Variants in PTPRT observed in about 807,000 individuals in gnomAD.
The protein encoded by PTPRT is protein tyrosine phosphatase receptor type T, also known as receptor-type tyrosine-protein phosphatase T.
PTPRT carries 56 observed loss-of-function variants against 176.8 expected under a neutral mutation model. That is an observed-to-expected ratio of 0.32 (90% CI 0.26 to 0.40). The LOEUF is 0.40. PTPRT is among the 10% of genes least tolerant of loss of function. The pLI is 1.00. For missense variants in PTPRT, 1,540 were observed against 1,908.2 expected, an observed-to-expected ratio of 0.81 and a Z score of 3.60; for synonymous variants, 783 against 739.0, an observed-to-expected ratio of 1.06 and a Z score of -0.96.
In PTPRT at chr20:42,712,720, T is replaced by A. The variant is rs950960724; in HGVS notation, c.860-34561A>T. On this transcript the variant is annotated intron_variant, in intron 6 of 30. Coordinates refer to ENST00000373187, the MANE Select transcript of PTPRT (RefSeq NM_007050.6). The stretch of plus-strand genomic sequence containing the variant: ...TAGGCCTATAAATTGGTACATCCCC[T>A]ATGGAGAATAATTTGGCCATATCTA... 5.9e-5 allele frequency among the ~76,000 whole-genome samples: 9 copies of A among 152,252 alleles called. 1 individual carries two copies. Among genetic ancestry groups the A allele is most frequent in the African/African-American group, 2.2e-4 (9 of 41,456 alleles).
Position 42,479,834 on chromosome 20 carries a change from A to G in PTPRT, c.1154-7272T>C, listed in dbSNP as rs75831805. Reference sequence around the variant, plus strand: ...CAAAATCTGAAACATTTCTGGTTCAATCATTTCAGATAAGGGATATTCAGC... The same window carrying G: ...CAAAATCTGAAACATTTCTGGTTCAGTCATTTCAGATAAGGGATATTCAGC... On this transcript the variant is annotated intron_variant, in intron 7 of 30. Coordinates refer to ENST00000373187, the MANE Select transcript of PTPRT (RefSeq NM_007050.6). 7.8e-3 allele frequency among the ~76,000 whole-genome samples: 1,192 copies of G among 152,340 alleles called. 11 individuals carry two copies. The highest frequency in any genetic ancestry group is 0.014 in the Middle Eastern group (4 of 294).
At chr20:42,799,562 A>G (rs781748246) in intron 2 of PTPRT, among the ~76,000 whole-genome samples, 33 of 152,314 alleles carry the variant, frequency 2.2e-4, no homozygotes, top group Non-Finnish European at 4.0e-4. Context: ...AGGAAAAACA[A>G]TGGAACCCAA....
chr20:42,860,077 T>C (rs2145789574), intron 2 of PTPRT, among the ~76,000 whole-genome samples: 1 of 152,338 alleles, frequency 6.6e-6, no homozygotes, highest in Non-Finnish European at 1.5e-5. Flanking sequence ...ATGCACTGCA[T>C]TTATCCAGAA....
intron 9 of PTPRT, among the ~76,000 whole-genome samples, chr20:42,362,686 A>G (rs902384991): frequency 6.6e-6 from 1 of 152,162 alleles, no homozygotes; most frequent in Non-Finnish European, 1.5e-5. Context: ...ATCAATGTTA[A>G]TTTCCTGGTT....
chr20:42,187,964 T>G (rs1443189836), intron 16 of PTPRT, among the ~76,000 whole-genome samples: 2 of 152,228 alleles, frequency 1.3e-5, no homozygotes, highest in African/African-American at 4.8e-5. Context: ...GTTTCCCTAT[T>G]CATGGCAAAG....
chr20:42,845,951 G>A (rs2078363145), intron 2 of PTPRT, among the ~76,000 whole-genome samples: 2 of 152,022 alleles, frequency 1.3e-5, no homozygotes, highest in South Asian at 4.2e-4. Context: ...CACCTACTTG[G>A]CCCAGCATAG....
chr20:42,885,241 T>C (rs1310486104), intron 2 of PTPRT, among the ~76,000 whole-genome samples: 3 of 147,230 alleles, frequency 2.0e-5, no homozygotes, highest in Non-Finnish European at 4.5e-5. Context: ...ATAATATATA[T>C]ACTATGTAAC....
chr20:42,578,697 T>C (rs6030340), intron 7 of PTPRT, among the ~76,000 whole-genome samples: 100,497 of 151,946 alleles, frequency 0.66, 34,975 homozygotes, highest in African/African-American at 0.88. Flanking sequence ...CAGCTCTCCC[T>C]TTGCAGATGT....
chr20:42,770,271 C>T (rs886652409), intron 5 of PTPRT, among the ~76,000 whole-genome samples: 7 of 152,082 alleles, frequency 4.6e-5, no homozygotes, highest in African/African-American at 1.4e-4. Context: ...TACAGGCACT[C>T]GCCACCACGC....
intron 15 of PTPRT, among the ~76,000 whole-genome samples, chr20:42,221,626 T>A (rs2055888372): frequency 6.6e-6 from 1 of 151,514 alleles, no homozygotes; most frequent in Non-Finnish European, 1.5e-5. Flanking sequence ...TTCAAGCGAT[T>A]TTCATGCCTC....
At chr20:43,087,165 T>C (rs1020677477) in intron 1 of PTPRT, among the ~76,000 whole-genome samples, 2 of 152,222 alleles carry the variant, frequency 1.3e-5, no homozygotes, top group Non-Finnish European at 2.9e-5. Flanking sequence ...TCTATAGTTT[T>C]TTCTTTTCCA....
intron 1 of PTPRT, among the ~76,000 whole-genome samples, chr20:43,068,388 C>G (rs1284055686): frequency 6.6e-6 from 1 of 151,240 alleles, no homozygotes; most frequent in African/African-American, 2.4e-5. Context: ...AACCTGTAGT[C>G]CCAGCTACTC....
At chr20:42,622,567 C>A (rs2074218945) in intron 7 of PTPRT, among the ~76,000 whole-genome samples, 1 of 151,992 alleles carries the variant, frequency 6.6e-6, no homozygotes, top group African/African-American at 2.4e-5. Context: ...GAGGCATTTA[C>A]ATTAAATTAT....
intron 5 of PTPRT, among the ~76,000 whole-genome samples, chr20:42,767,358 G>A (rs1246534429): frequency 6.6e-6 from 1 of 152,102 alleles, no homozygotes; most frequent in Non-Finnish European, 1.5e-5. Flanking sequence ...AAAAGCAGGG[G>A]AAGAAGAGTT....
intron 3 of PTPRT, among the ~76,000 whole-genome samples, chr20:42,786,393 T>C (rs941156298): frequency 5.3e-5 from 8 of 152,126 alleles, no homozygotes; most frequent in African/African-American, 1.9e-4. Context: ...ATTACACAAC[T>C]AGGAAGAAGA....
intron 7 of PTPRT, among the ~76,000 whole-genome samples, chr20:42,565,188 A>G (rs1237395714): frequency 6.6e-6 from 1 of 152,090 alleles, no homozygotes; most frequent in Non-Finnish European, 1.5e-5. Context: ...CTAGTCCCCA[A>G]GGCAGCTCAC....
At chr20:42,270,391 G>A (rs1403474844) in intron 13 of PTPRT, 8 of 1,538,994 alleles carry the variant, frequency 5.2e-6, no homozygotes, top group Admixed American at 2.0e-5. Context: ...GGGCTCTGGT[G>A]ATCACCTGTG....
intron 15 of PTPRT, among the ~76,000 whole-genome samples, chr20:42,227,900 C>T (rs187994998): frequency 4.6e-5 from 7 of 152,262 alleles, no homozygotes; most frequent in African/African-American, 7.2e-5. Flanking sequence ...TGAGCCACCA[C>T]GCCCAGCCCC....
rs374161904 is a variant in PTPRT at position 42,950,320 on chromosome 20, C to T, written c.89-64388G>A. On this transcript the variant is annotated intron_variant, in intron 1 of 30. Coordinates refer to ENST00000373187, the MANE Select transcript of PTPRT (RefSeq NM_007050.6). Reference sequence around the variant, plus strand: ...GAAGGGAAATCGTACATTCTGTCAGCGTACAGAGATCAATCCTGTTCTTAT... The same window carrying T: ...GAAGGGAAATCGTACATTCTGTCAGTGTACAGAGATCAATCCTGTTCTTAT... Among the ~76,000 whole-genome samples, 9 of 152,320 alleles carry T rather than the reference C, an allele frequency of 5.9e-5. 1 individual carries two copies. Among genetic ancestry groups the T allele is most frequent in the South Asian group, 2.1e-4 (1 of 4,826 alleles).
Sources: allele counts gnomAD v4.1 joint callset (sites outside exome capture counted in the v4.1 genomes callset), GRCh38; gene constraint gnomAD v4.1.1; transcripts MANE v1.5; gene names NCBI Gene and HGNC (gene_info 2026-07-23, HGNC 2026-07-21).